NOTCH2: variants seen among roughly 807,000 people sequenced by gnomAD.
NOTCH2 encodes notch receptor 2.
NOTCH2 carries 29 observed loss-of-function variants against 235.8 expected under a neutral mutation model. That is an observed-to-expected ratio of 0.12 (90% CI 0.09 to 0.17). NOTCH2 has a LOEUF of 0.17. Among genes scored for constraint, NOTCH2 ranks in the 10% least tolerant of loss-of-function variants. NOTCH2 has a pLI of 1.00. For missense variants in NOTCH2, 2,285 were observed against 3,150.2 expected (o/e 0.73, Z 6.57); for synonymous variants, 1,086 against 1,141.5 (o/e 0.95, Z 0.98).
intron 1 of NOTCH2, among the ~76,000 whole-genome samples, chr1:120,065,311 TTTA>T (rs1409805698): frequency 1.3e-5 from 2 of 152,210 alleles, no homozygotes; most frequent in Non-Finnish European, 2.9e-5. Context: ...TGAACAAGTA[TTTA>T]TTGTGTGCCT....
At position 119,915,529 on chromosome 1, in the gene NOTCH2, G is replaced by T. The variant is rs755598194; in HGVS notation, c.7193C>A (p.Ala2398Asp). Residue 2398 changes from alanine (A) to aspartate (D), a missense_variant, in exon 34 of 34, where the codon GCT (alanine) becomes GAT (aspartate). By Grantham distance (126) the Ala-to-Asp change is moderately radical. Coordinates refer to ENST00000256646, the MANE Select transcript of NOTCH2 (RefSeq NM_024408.4). ...SQHSYASSNA[A>D]ERTPSHSGHL... ...ACCACTGTGACTGGGTGTTCGCTCA[G>T]CAGCATTTGAGGAAGCATAACTGTG... is the stretch of plus-strand genomic sequence containing the variant. 1 of 1,614,120 alleles carries T rather than the reference G, an allele frequency of 6.2e-7. No individual in the cohort carries two copies. Among genetic ancestry groups the T allele is most frequent in the Non-Finnish European group, 8.5e-7 (1 of 1,180,038 alleles).
At chr1:120,011,780 A>G (rs1690021) in intron 2 of NOTCH2, among the ~76,000 whole-genome samples, 57 of 149,486 alleles carry the variant, frequency 3.8e-4, no homozygotes, top group African/African-American at 9.8e-4. Context: ...ACTTTGGGAG[A>G]CCGAGGCAGG....
At chr1:119,971,510 T>G (rs147251109) in intron 5 of NOTCH2, among the ~76,000 whole-genome samples, 1 of 152,114 alleles carries the variant, frequency 6.6e-6, no homozygotes, top group East Asian at 1.9e-4. Context: ...GCAGAGAAAG[T>G]GATATGGGTG....
chr1:119,960,423 T>C (rs1650890942), intron 11 of NOTCH2, among the ~76,000 whole-genome samples: 1 of 151,336 alleles, frequency 6.6e-6, no homozygotes. Context: ...ATACAATCAT[T>C]ATTGTTACCA....
chr1:120,045,935 C>T (rs1654769281), intron 1 of NOTCH2, among the ~76,000 whole-genome samples: 1 of 152,260 alleles, frequency 6.6e-6, no homozygotes, highest in Non-Finnish European at 1.5e-5. Flanking sequence ...TTTAAAACAT[C>T]TCCATATTTA....
chr1:119,929,056 T>A lies in NOTCH2; in HGVS notation c.3812A>T (p.Asn1271Ile), dbSNP rs782317157. 2 of 1,613,954 alleles carry A rather than the reference T, an allele frequency of 1.2e-6. No homozygotes were observed. Among genetic ancestry groups the A allele is most frequent in the Admixed American group, 3.3e-5 (2 of 60,004 alleles). The stretch of plus-strand genomic sequence containing the variant: ...CAGGCTGCCCTCAGAGCTGCAGGGG[T>A]TGGAGAGGCACTCGTTGATGTCTCC... ...CEGDINECLS[N>I]PCSSEGSLDC... Residue 1271 changes from asparagine (N) to isoleucine (I), a missense_variant, in exon 23 of 34, where the codon AAC becomes ATC. By Grantham distance (149) the Asn-to-Ile change is moderately radical. This residue lies in a region of NOTCH2 where 1,173 missense variants were observed against 1,515.3 expected (regional missense o/e 0.77). Transcript: ENST00000256646.
intron 5 of NOTCH2, among the ~76,000 whole-genome samples, chr1:119,982,155 C>A (rs1395384664): frequency 6.6e-6 from 1 of 152,134 alleles, no homozygotes; most frequent in Non-Finnish European, 1.5e-5. Context: ...GAATTGGGAG[C>A]ACTGACAGCA....
Position 119,950,866 on chromosome 1 carries a change from A to T in NOTCH2, c.2366-29T>A, listed in dbSNP as rs782438602. The stretch of plus-strand genomic sequence containing the variant: ...TAGACAAAAGGAAAAAACCAAAAAC[A>T]GTAAAACTTTCTGACAGCCTCATCA... On this transcript the variant is annotated intron_variant, in intron 14 of 33. Coordinates refer to ENST00000256646, the MANE Select transcript of NOTCH2 (RefSeq NM_024408.4). 4 of 1,410,072 alleles carry T rather than the reference A, an allele frequency of 2.8e-6. No homozygotes were observed. In the Admixed American group the frequency reaches 6.7e-5, roughly 24 times the overall value. 87.3% of individuals were successfully genotyped at this position (1,410,072 alleles called of 1,614,324 possible). A position where few individuals can be genotyped will look rare whatever the true frequency, so the allele number is the denominator to read the frequency against.
intron 12 of NOTCH2, among the ~76,000 whole-genome samples, chr1:119,957,315 G>A (rs1650744254): frequency 6.6e-6 from 1 of 152,162 alleles, no homozygotes; most frequent in African/African-American, 2.4e-5. Flanking sequence ...GGATTGTTAT[G>A]AGAATTCAGG....
intron 11 of NOTCH2, among the ~76,000 whole-genome samples, chr1:119,963,278 G>A (rs1029725936): frequency 5.3e-5 from 8 of 152,202 alleles, no homozygotes; most frequent in African/African-American, 1.9e-4. Flanking sequence ...ACAAAAAAGA[G>A]GGTTTTCAAT....
chr1:119,916,647 T>C lies in NOTCH2; in HGVS notation c.6075A>G (p.Ala2025=). The part of the protein sequence containing the change: ...FLAAREGSYE[A]AKILLDHFAN... ...CAAAATGGTCTAACAGGATCTTGGC[T>C]GCTTCATAGCTCCCCTCCCGGGCAG... Residue 2025 remains alanine, a synonymous_variant, in exon 34 of 34, where the codon GCA becomes GCG. Transcript: ENST00000256646. The C allele has an allele frequency of 6.2e-7, 1 of 1,614,234 alleles. No individual in the cohort carries two copies. The highest frequency in any genetic ancestry group is 8.5e-7 in the Non-Finnish European group (1 of 1,180,038).
chr1:119,916,778 C>A lies in NOTCH2; in HGVS notation c.6028-84G>T, dbSNP rs188876228. ...TTTTCTCAATCTTTTTTATTATCAC[C>A]CCCTTAGACATGTTTTCCTAATTAT... On this transcript the variant is annotated intron_variant, in intron 33 of 33. Coordinates refer to ENST00000256646, the MANE Select transcript of NOTCH2 (RefSeq NM_024408.4). The A allele has an allele frequency of 1.2e-3, 1,549 of 1,346,680 alleles. 21 individuals carry two copies. The African/African-American group carries it at 0.02, about 17-fold the overall frequency. 83.4% of individuals were successfully genotyped at this position (1,346,680 alleles called of 1,614,324 possible). A position where few individuals can be genotyped will look rare whatever the true frequency, so the allele number is the denominator to read the frequency against.
intron 23 of NOTCH2, among the ~76,000 whole-genome samples, chr1:119,927,086 C>G (rs1042202003): frequency 7.9e-5 from 12 of 152,198 alleles, no homozygotes; most frequent in African/African-American, 2.9e-4. Context: ...ATTTCAATCA[C>G]TTTTTGGCCT....
intron 2 of NOTCH2, among the ~76,000 whole-genome samples, chr1:120,027,424 G>T (rs1553210139): frequency 1.4e-5 from 2 of 147,504 alleles, no homozygotes; most frequent in African/African-American, 5.1e-5. Context: ...CTCTCTGTAT[G>T]GTATTACCAC....
At position 119,912,579 on chromosome 1, in the gene NOTCH2, TAAAC is replaced by T. The variant is rs1557800141; in HGVS notation, c.*2723_*2726del. 2 of 231,770 alleles carry T rather than the reference TAAAC, an allele frequency of 8.6e-6. No homozygotes were observed. Among genetic ancestry groups the T allele is most frequent in the Non-Finnish European group, 1.7e-5 (2 of 117,678 alleles). 14.4% of individuals were successfully genotyped at this position (231,770 alleles called of 1,614,324 possible). On this transcript the variant is annotated 3_prime_UTR_variant, in exon 34 of 34. Coordinates refer to ENST00000256646, the MANE Select transcript of NOTCH2 (RefSeq NM_024408.4). Reference sequence around the variant, plus strand: ...CTTAAAACAAAACAGAGGAAGCAAATAAACAAACAAAAAAACCTATCCCCAAAGG... The same window carrying T: ...CTTAAAACAAAACAGAGGAAGCAAATAAACAAAAAAACCTATCCCCAAAGG...
chr1:119,931,778 T>C (rs1553195144), intron 22 of NOTCH2, among the ~76,000 whole-genome samples: 2 of 151,824 alleles, frequency 1.3e-5, no homozygotes, highest in Non-Finnish European at 2.9e-5. Context: ...CAAGTGTATA[T>C]GATGTTGCTA....
Position 119,996,804 on chromosome 1 carries a change from C to T in NOTCH2, c.751+193G>A, listed in dbSNP as rs782606455. 26 of 799,930 alleles carry T rather than the reference C, an allele frequency of 3.3e-5. No homozygotes were observed. The African/African-American group carries it at 4.2e-4, about 13-fold the overall frequency. 49.6% of individuals were successfully genotyped at this position (799,930 alleles called of 1,614,324 possible). A position where few individuals can be genotyped will look rare whatever the true frequency, so the allele number is the denominator to read the frequency against. On this transcript the variant is annotated intron_variant, in intron 4 of 33. Coordinates refer to ENST00000256646, the MANE Select transcript of NOTCH2 (RefSeq NM_024408.4). Reference sequence around the variant, plus strand: ...ACTCATCATCATAAACCCTGACATGCTAAATTATCCCCTGCTCAGTTTATG... The same window carrying T: ...ACTCATCATCATAAACCCTGACATGTTAAATTATCCCCTGCTCAGTTTATG...
rs1553197402 is a variant in NOTCH2 at position 119,949,067 on chromosome 1, C to G, written c.2539G>C (p.Val847Leu). The G allele has an allele frequency of 7.4e-6, 12 of 1,614,222 alleles. No homozygotes were observed. The South Asian group carries it at 1.2e-4, about 16-fold the overall frequency. The change falls in exon 16 of 34, where the codon GTT (valine) becomes CTT (leucine). Residue 847 changes from valine (V) to leucine (L), a missense_variant. Val to Leu is a conservative substitution (Grantham distance 32). Around this residue, in one of 6 missense-constraint regions of NOTCH2, gnomAD observed 1,173 missense variants for 1,515.3 expected, o/e 0.77. Transcript: ENST00000256646. ...TCAAAATTTGGTGACTCTTTGCAAA[C>G]AGCAGCATTCTCACAAGGGTTTGGG... ...CSPNPCENAA[V>L]CKESPNFESY... is the part of the protein sequence containing the mutation.
At chr1:119,920,659 C>A (rs1649255031) in intron 29 of NOTCH2, among the ~76,000 whole-genome samples, 1 of 152,154 alleles carries the variant, frequency 6.6e-6, no homozygotes, top group Non-Finnish European at 1.5e-5. Context: ...CTCCAGAGCA[C>A]CCAATTCTCA....
Sources: allele counts gnomAD v4.1 joint callset (sites outside exome capture counted in the v4.1 genomes callset), GRCh38; gene constraint gnomAD v4.1.1; regional missense constraint gnomAD v4.1.1; transcripts MANE v1.5; gene names NCBI Gene and HGNC (gene_info 2026-07-23, HGNC 2026-07-21).